Variants in CNTNAP2 observed in about 807,000 individuals in gnomAD.
The protein encoded by CNTNAP2 is contactin associated protein 2.
In CNTNAP2, 98 loss-of-function variants were observed where a neutral mutation model predicts 155.2. The observed-to-expected ratio is 0.63, with a 90% CI of 0.54 to 0.75. The LOEUF (loss-of-function observed/expected upper bound fraction) is 0.75, where lower values mean the gene tolerates loss of function less well. Ranked by LOEUF, CNTNAP2 falls within the 30% of genes least tolerant of loss-of-function variation. The pLI, the probability that CNTNAP2 is intolerant of heterozygous loss-of-function variation, is 0.00. For synonymous variants in CNTNAP2, 651 were observed against 631.2 expected (o/e 1.03, Z -0.47); for missense variants, 1,727 against 1,688.1 (o/e 1.02, Z -0.40).
intron 4 of CNTNAP2, among the ~76,000 whole-genome samples, chr7:147,058,265 T>C (rs79712131): frequency 0.066 from 10,054 of 152,280 alleles, 428 homozygotes; most frequent in Middle Eastern, 0.13. Context: ...ATTATTTATA[T>C]AGCTGTTTCT....
intron 10 of CNTNAP2, among the ~76,000 whole-genome samples, chr7:147,426,429 G>C (rs960734427): frequency 5.9e-5 from 9 of 152,052 alleles, no homozygotes; most frequent in African/African-American, 2.2e-4. Context: ...CTCTGACCGT[G>C]GATCTCAGGA....
chr7:146,455,878 T>C (rs1365619331), intron 1 of CNTNAP2, among the ~76,000 whole-genome samples: 2 of 152,106 alleles, frequency 1.3e-5, no homozygotes, highest in African/African-American at 4.8e-5. Context: ...AATTTAAAAA[T>C]CGTACAAGAG....
At chr7:147,942,222 T>C (rs1328402778) in intron 14 of CNTNAP2, among the ~76,000 whole-genome samples, 1 of 152,124 alleles carries the variant, frequency 6.6e-6, no homozygotes, top group African/African-American at 2.4e-5. Flanking sequence ...CATACGGAAA[T>C]CTGATCTCTT....
intron 14 of CNTNAP2, among the ~76,000 whole-genome samples, chr7:147,937,312 C>T (rs891451069): frequency 6.6e-6 from 1 of 152,112 alleles, no homozygotes; most frequent in African/African-American, 2.4e-5. Context: ...CTTTAAATTG[C>T]CTTTCCCAGC....
chr7:146,437,070 G>T (rs578143831), intron 1 of CNTNAP2, among the ~76,000 whole-genome samples: 2 of 151,430 alleles, frequency 1.3e-5, no homozygotes, highest in Admixed American at 6.6e-5. Context: ...GAGCATTACT[G>T]TCTGAGCTCA....
In CNTNAP2 at chr7:147,043,999, T is replaced by C. The variant is rs1799307476; in HGVS notation, c.495T>C (p.Asp165=). The C allele has an allele frequency of 1.2e-6, 2 of 1,614,096 alleles. No homozygotes were observed. Among genetic ancestry groups the C allele is most frequent in the East Asian group, 2.2e-5 (1 of 44,886 alleles). The part of the protein sequence containing the change: ...IARYVRIVPL[D]WNGEGRIGLR... The stretch of plus-strand genomic sequence containing the variant: ...GCTATGTGCGCATAGTGCCTCTGGA[T>C]TGGAATGGAGAAGGTCGCATTGGAC... Residue 165 remains aspartate, a synonymous_variant, in exon 4 of 24, where the codon GAT becomes GAC. Coordinates refer to ENST00000361727, the MANE Select transcript of CNTNAP2 (RefSeq NM_014141.6).
In CNTNAP2 at chr7:146,391,069, A is replaced by T. The variant is rs1405372493; in HGVS notation, c.97+274096A>T. Among the ~76,000 whole-genome samples the T allele has an allele frequency of 4.1e-5, 6 of 148,020 alleles. No individual in the cohort carries two copies. In the East Asian group the frequency reaches 9.7e-4, roughly 24 times the overall value. On this transcript the variant is annotated intron_variant, in intron 1 of 23. Transcript: ENST00000361727. Reference sequence around the variant, plus strand: ...CAACATAGTGAGACTCTGTCTAAAAAATATATATATTATTATATATCGTAA... The same window carrying T: ...CAACATAGTGAGACTCTGTCTAAAATATATATATATTATTATATATCGTAA...
chr7:148,154,482 A>G (rs1275683093), intron 17 of CNTNAP2, among the ~76,000 whole-genome samples: 2 of 152,222 alleles, frequency 1.3e-5, no homozygotes, highest in African/African-American at 4.8e-5. Context: ...TTGCAAATGG[A>G]TCATTCCAGT....
At chr7:147,677,665 T>C (rs140016719) in intron 13 of CNTNAP2, among the ~76,000 whole-genome samples, 2,488 of 151,874 alleles carry the variant, frequency 0.016, 221 homozygotes, top group Admixed American at 0.15. Context: ...TATATTTCAG[T>C]TTTTAATCCA....
intron 1 of CNTNAP2, among the ~76,000 whole-genome samples, chr7:146,380,769 C>T (rs1244280934): frequency 1.0e-5 from 1 of 98,874 alleles, no homozygotes; most frequent in African/African-American, 3.5e-5. Flanking sequence ...ATATTTCTTG[C>T]TTCTTATGCA....
At chr7:147,754,429 G>A (rs1287544907) in intron 13 of CNTNAP2, among the ~76,000 whole-genome samples, 3 of 152,060 alleles carry the variant, frequency 2.0e-5, no homozygotes, top group Non-Finnish European at 4.4e-5. Flanking sequence ...GGTAGAAATA[G>A]GAAAGCATCA....
chr7:146,284,268 G>A (rs1205243261), intron 1 of CNTNAP2, among the ~76,000 whole-genome samples: 1 of 152,134 alleles, frequency 6.6e-6, no homozygotes, highest in Non-Finnish European at 1.5e-5. Flanking sequence ...TCGGAGATGA[G>A]TAATGTAGCG....
chr7:147,882,260 A>T (rs1585008540), intron 13 of CNTNAP2, among the ~76,000 whole-genome samples: 1 of 152,316 alleles, frequency 6.6e-6, no homozygotes, highest in Non-Finnish European at 1.5e-5. Flanking sequence ...CGTTATGATC[A>T]TAATGGAGGT....
chr7:147,902,800 GTGTGTGTGTGTGTA>G (rs772349270), intron 13 of CNTNAP2, among the ~76,000 whole-genome samples: 4,714 of 129,844 alleles, frequency 0.036, 83 homozygotes, highest in Middle Eastern at 0.045. Context: ...GTGTGTGTGT[GTGTGTGTGTGTGTA>G]TGTGTGTGTG....
At position 147,347,457 on chromosome 7, in the gene CNTNAP2, CATATAT is replaced by C. The variant is rs60963934; in HGVS notation, c.1498+47180_1498+47185del. ...ATATATATGCATATATATATATATGCATATATATATATATATATGCATATATATATA... is the reference window on the plus strand; with the variant it reads ...ATATATATGCATATATATATATATGCATATATATATATGCATATATATATA... On this transcript the variant is annotated intron_variant, in intron 9 of 23. Transcript: ENST00000361727. Among the ~76,000 whole-genome samples, 74 of 49,966 alleles carry C rather than the reference CATATAT, an allele frequency of 1.5e-3. 2 individuals carry two copies. Among genetic ancestry groups the C allele is most frequent in the South Asian group, 3.7e-3 (3 of 800 alleles). The allele number at this position is 49,966 out of a possible 152,430, so 32.8% of individuals were successfully genotyped here.
chr7:147,581,132 C>T (rs1287726087), intron 12 of CNTNAP2, among the ~76,000 whole-genome samples: 1 of 152,110 alleles, frequency 6.6e-6, no homozygotes. Context: ...TAGAGTCAAC[C>T]ATTATTAAGC....
At position 147,903,614 on chromosome 7, in the gene CNTNAP2, C is replaced by T. The variant is rs1414790072; in HGVS notation, c.2148C>T (p.Tyr716=). 2 of 1,614,198 alleles carry T rather than the reference C, an allele frequency of 1.2e-6. No individual in the cohort carries two copies. Among genetic ancestry groups the T allele is most frequent in the East Asian group, 2.2e-5 (1 of 44,866 alleles). The change falls in exon 14 of 24, where the codon TAC becomes TAT. Residue 716 remains tyrosine, a synonymous_variant. Transcript: ENST00000361727. ...WWVGKANEKH[Y]YWGGSGPGIQ... is the part of the protein sequence containing the mutation. ...TTGGCAAAGCCAACGAGAAGCACTA[C>T]TACTGGGGAGGCTCTGGGCCTGGAA...
chr7:147,237,449 C>T (rs970456909), intron 8 of CNTNAP2, among the ~76,000 whole-genome samples: 1 of 152,194 alleles, frequency 6.6e-6, no homozygotes, highest in Non-Finnish European at 1.5e-5. Context: ...TATTTCTGCA[C>T]ATGCCCAGGG....
intron 15 of CNTNAP2, among the ~76,000 whole-genome samples, chr7:148,047,259 G>A (rs576050903): frequency 6.6e-6 from 1 of 152,142 alleles, no homozygotes; most frequent in African/African-American, 2.4e-5. Context: ...GGGAATTCAG[G>A]GTTAAGTTCC....
Sources: gnomAD v4.1 joint callset for allele counts (sites outside exome capture counted in the v4.1 genomes callset) on GRCh38, gnomAD v4.1.1 for gene constraint, MANE v1.5 for transcripts, NCBI Gene and HGNC (gene_info 2026-07-23, HGNC 2026-07-21) for gene names.